The following RAD54B variants were observed in gnomAD, a reference collection of about 807,000 sequenced individuals.
The protein encoded by RAD54B is DNA repair and recombination protein RAD54B.
A neutral mutation model predicts 95.8 loss-of-function variants in RAD54B; 78 were observed. That is an observed-to-expected ratio of 0.81 (90% confidence interval 0.68 to 0.98). The LOEUF is 0.98. Ranked by LOEUF, RAD54B falls within the 50% of genes least tolerant of loss-of-function variation. The pLI, the probability that RAD54B is intolerant of heterozygous loss-of-function variation, is 0.00. For missense variants in RAD54B, 957 were observed against 1,056.6 expected (o/e 0.91, Z 1.31); for synonymous variants, 328 against 354.9 (o/e 0.92, Z 0.85).
At chr8:94,466,643 G>A (rs1813031042) in intron 2 of RAD54B, among the ~76,000 whole-genome samples, 1 of 152,110 alleles carries the variant, frequency 6.6e-6, no homozygotes, top group Non-Finnish European at 1.5e-5. Flanking sequence ...CTGACCCCAG[G>A]TGATCTGCCC....
chr8:94,474,830 G>T (rs1464890981), intron 1 of RAD54B, among the ~76,000 whole-genome samples, 171 bp downstream of exon 1: 1 of 152,176 alleles, frequency 6.6e-6, no homozygotes, highest in African/African-American at 2.4e-5. Context: ...CAACCAGGGC[G>T]TCCCTGGCAC....
At chr8:94,430,947 C>T (rs2130100331) in intron 3 of RAD54B, 1 of 985,320 alleles carries the variant, frequency 1.0e-6, no homozygotes, top group South Asian at 4.7e-5. Context: ...ACTCAATCCA[C>T]TTTTTCCCAT....
intron 6 of RAD54B, 64 bp downstream of exon 6, chr8:94,404,013 C>A: frequency 7.7e-7 from 1 of 1,301,170 alleles, no homozygotes; most frequent in Admixed American, 2.6e-5. Context: ...CTTAGAAAAC[C>A]ATTATTGTGT....
At chr8:94,400,204 T>A (rs1811237427) in intron 7 of RAD54B, 34 bp downstream of exon 7, 4 of 1,557,272 alleles carry the variant, frequency 2.6e-6, no homozygotes, top group Admixed American at 1.8e-5. Context: ...AGATTTTTTT[T>A]AAATGACTAA....
intron 3 of RAD54B, among the ~76,000 whole-genome samples, chr8:94,422,881 T>C (rs1811858450): frequency 6.7e-6 from 1 of 150,242 alleles, no homozygotes; most frequent in African/African-American, 2.4e-5. Context: ...ATGTTGCCAA[T>C]GATCTTGTTT....
chr8:94,436,555 A>G (rs1348862019), intron 3 of RAD54B: 27 of 1,550,330 alleles, frequency 1.7e-5, no homozygotes, highest in Non-Finnish European at 2.1e-5. Context: ...AATCATCTCC[A>G]TAACTTTCTT....
chr8:94,407,500 T>C lies in RAD54B; in HGVS notation c.720A>G (p.Ser240=). 6.2e-7 allele frequency: 1 copy of C among 1,613,988 alleles called. No homozygotes were observed. The highest frequency in any genetic ancestry group is 8.5e-7 in the Non-Finnish European group (1 of 1,179,872). The change falls in exon 5 of 15, where the codon TCA becomes TCG. Residue 240 remains serine (S), a synonymous_variant. Transcript: ENST00000336148. ...NPFKSVCKPS[S]KENRQNDFQN... The stretch of plus-strand genomic sequence containing the variant: ...GGAAATCATTCTGTCTATTTTCCTT[T>C]GAACTTGGTTTACAAACACTTTTGA...
intron 3 of RAD54B, chr8:94,427,932 A>G (rs199723108): frequency 5.4e-5 from 14 of 261,634 alleles, no homozygotes; most frequent in Non-Finnish European, 6.0e-5. Context: ...ATGACTCCTT[A>G]AAAAAAAAAA....
intron 3 of RAD54B, among the ~76,000 whole-genome samples, chr8:94,435,495 T>C (rs1052871793): frequency 2.6e-5 from 4 of 151,964 alleles, no homozygotes; most frequent in African/African-American, 9.7e-5. Flanking sequence ...GAAAAGCACA[T>C]TGTGTAAAGC....
At position 94,399,508 on chromosome 8, in the gene RAD54B, T is replaced by C. The variant is rs762835967; in HGVS notation, c.1284A>G (p.Leu428=). ...TCAAACGATGCCCCTCGTCACAGAT[T>C]AGAAGATCAAATTTTATATTCTTAA... The part of the protein sequence containing the change: ...DQIKNIKFDL[L]ICDEGHRLKN... The change falls in exon 8 of 15, where the codon CTA becomes CTG. Residue 428 remains leucine, a synonymous_variant. Coordinates refer to ENST00000336148, the MANE Select transcript of RAD54B (RefSeq NM_012415.3). 1.9e-6 allele frequency: 3 copies of C among 1,613,548 alleles called. No homozygotes were observed. Among genetic ancestry groups the C allele is most frequent in the Non-Finnish European group, 8.5e-7 (1 of 1,179,698 alleles).
At chr8:94,447,034 CTAAGAGT>C (rs1210599832) in intron 3 of RAD54B, among the ~76,000 whole-genome samples, 1 of 151,938 alleles carries the variant, frequency 6.6e-6, no homozygotes, top group Non-Finnish European at 1.5e-5. Context: ...AATCCAATCT[CTAAGAGT>C]TATTCTCAGT....
In RAD54B at chr8:94,447,859, TAGAA is replaced by T. The variant is rs2130151845; in HGVS notation, c.304+10405_304+10408del. Among the ~76,000 whole-genome samples the T allele has an allele frequency of 2.6e-5, 4 of 152,106 alleles. No homozygotes were observed. The South Asian group carries it at 8.3e-4, about 32-fold the overall frequency. ...TCCTGCAGATGACAGATGGAATAAA[TAGAA>T]AGAAACTGGGCTCATGACAATATCC... On this transcript the variant is annotated intron_variant, in intron 3 of 14. Transcript: ENST00000336148.
intron 3 of RAD54B, among the ~76,000 whole-genome samples, chr8:94,449,048 G>GCA (rs137936104): frequency 0.14 from 21,192 of 149,622 alleles, 2,572 homozygotes; most frequent in East Asian, 0.32. Flanking sequence ...ACACATGCAT[G>GCA]CACACACACA....
chr8:94,401,757 C>T (rs1200411202), intron 6 of RAD54B, among the ~76,000 whole-genome samples: 2 of 152,154 alleles, frequency 1.3e-5, no homozygotes, highest in African/African-American at 4.8e-5. Flanking sequence ...AAATTACCAA[C>T]ATAAATTACG....
At chr8:94,449,840 C>G (rs1395012099) in intron 3 of RAD54B, among the ~76,000 whole-genome samples, 1 of 152,078 alleles carries the variant, frequency 6.6e-6, no homozygotes, top group Non-Finnish European at 1.5e-5. Flanking sequence ...AGAACAGTCC[C>G]AGTGTATAGG....
At chr8:94,432,255 T>C in intron 3 of RAD54B, 1 of 1,550,400 alleles carries the variant, frequency 6.4e-7, no homozygotes, top group Non-Finnish European at 8.7e-7. Flanking sequence ...ATCCCTCTTC[T>C]CCTGAACATA....
chr8:94,442,390 G>A (rs942035178), intron 3 of RAD54B, among the ~76,000 whole-genome samples: 5 of 152,090 alleles, frequency 3.3e-5, no homozygotes, highest in African/African-American at 9.7e-5. Context: ...GGCTAACATG[G>A]TGAAACCCCG....
intron 3 of RAD54B, among the ~76,000 whole-genome samples, chr8:94,452,041 G>A (rs1180107178): frequency 2.6e-5 from 4 of 152,188 alleles, no homozygotes; most frequent in Non-Finnish European, 4.4e-5. Flanking sequence ...CAGATTCAGT[G>A]TTTGGTAAGG....
chr8:94,411,245 A>G lies in RAD54B; in HGVS notation c.375T>C (p.Tyr125=), dbSNP rs765873129. 7 of 1,611,480 alleles carry G rather than the reference A, an allele frequency of 4.3e-6. No homozygotes were observed. The highest frequency in any genetic ancestry group is 2.5e-6 in the Non-Finnish European group (3 of 1,179,152). ...AAGGCTTACACCAAACAACACTGAA[A>G]TATTTAACTAGGCTATCAGATTTCT... The part of the protein sequence containing the change: ...QEEKSDSLVK[Y]FSVVWCKPSK... The change falls in exon 4 of 15, where the codon TAT becomes TAC. Residue 125 remains tyrosine (Y), a synonymous_variant. Transcript: ENST00000336148.
Sources: allele counts gnomAD v4.1 joint callset (sites outside exome capture counted in the v4.1 genomes callset), GRCh38; gene constraint gnomAD v4.1.1; transcripts MANE v1.5; gene names NCBI Gene and HGNC (gene_info 2026-07-23, HGNC 2026-07-21).